R3HDM2: variants seen among roughly 807,000 people sequenced by gnomAD.
The protein encoded by R3HDM2 is R3H domain containing 2, also known as R3H domain-containing protein 2.
In R3HDM2, 38 loss-of-function variants were observed where a neutral mutation model predicts 124.5. The observed-to-expected ratio is 0.31, with a 90% confidence interval of 0.24 to 0.40. R3HDM2 has a LOEUF of 0.40. Ranked by LOEUF, R3HDM2 falls within the 10% of genes least tolerant of loss-of-function variation. R3HDM2 has a pLI of 1.00. For missense variants in R3HDM2, 869 were observed against 1,236.9 expected (o/e 0.70, Z 4.46); for synonymous variants, 391 against 448.0 (o/e 0.87, Z 1.61).
intron 2 of R3HDM2, among the ~76,000 whole-genome samples, chr12:57,384,390 C>A (rs2065383158): frequency 6.6e-6 from 1 of 151,524 alleles, no homozygotes; most frequent in African/African-American, 2.4e-5. Flanking sequence ...GGGAAACAAG[C>A]CTATGTTCCT....
chr12:57,398,000 A>G (rs574086), intron 1 of R3HDM2, among the ~76,000 whole-genome samples: 147,969 of 152,046 alleles, frequency 0.97, 72,134 homozygotes, highest in Middle Eastern at 1. Context: ...TGGCCAACAC[A>G]GTGAAACCCC....
chr12:57,385,305 C>T (rs571584218), intron 2 of R3HDM2, among the ~76,000 whole-genome samples: 148 of 148,356 alleles, frequency 1.0e-3, no homozygotes, highest in Non-Finnish European at 1.6e-3. Context: ...TGCAATGGCG[C>T]AATCTGGCTC....
chr12:57,306,988 C>T (rs2052754508), intron 3 of R3HDM2, among the ~76,000 whole-genome samples: 1 of 152,102 alleles, frequency 6.6e-6, no homozygotes, highest in Non-Finnish European at 1.5e-5. Context: ...GCGCTCCAGC[C>T]TGGGTGACAG....
chr12:57,338,573 G>A (rs1156958274), intron 2 of R3HDM2, among the ~76,000 whole-genome samples: 3 of 152,084 alleles, frequency 2.0e-5, no homozygotes, highest in Non-Finnish European at 4.4e-5. Context: ...TGCATTTTTG[G>A]TAGAGACGAG....
At chr12:57,425,033 G>A (rs536096740) in intron 1 of R3HDM2, among the ~76,000 whole-genome samples, 2 of 152,194 alleles carry the variant, frequency 1.3e-5, no homozygotes, top group Non-Finnish European at 2.9e-5. Context: ...AGCACTTCAG[G>A]AGGCTGAGGT....
Position 57,256,461 on chromosome 12 carries a change from T to C in R3HDM2, c.2500A>G (p.Ile834Val), listed in dbSNP as rs747745988. 2 of 1,599,556 alleles carry C rather than the reference T, an allele frequency of 1.3e-6. No individual in the cohort carries two copies. Among genetic ancestry groups the C allele is most frequent in the Admixed American group, 1.7e-5 (1 of 58,116 alleles). Residue 834 changes from isoleucine (I) to valine (V), a missense_variant, in exon 22 of 24, where the codon ATC (isoleucine) becomes GTC (valine). Physicochemically the swap from Ile to Val is conservative, Grantham distance 29. Coordinates refer to ENST00000402412, the MANE Select transcript of R3HDM2 (RefSeq NM_001394031.1). ...TGGCCATGGAGCAAGGGAGGGCAGA[T>C]GGACAGATTGTACTGTAATGGCTGG... is the stretch of plus-strand genomic sequence containing the variant. ...LGQPLQYNLS[I>V]CPPLLHGQST...
At chr12:57,405,034 TTC>T (rs1209350692) in intron 1 of R3HDM2, among the ~76,000 whole-genome samples, 3 of 152,036 alleles carry the variant, frequency 2.0e-5, no homozygotes, top group South Asian at 4.1e-4. Context: ...TTTCCTTTCT[TTC>T]TCTTTTTTCA....
At chr12:57,330,782 T>C (rs2058070347) in intron 2 of R3HDM2, among the ~76,000 whole-genome samples, 2 of 133,396 alleles carry the variant, frequency 1.5e-5, no homozygotes, top group South Asian at 4.9e-4. Flanking sequence ...CACTGCAAGC[T>C]CCGCCTCCCG....
intron 7 of R3HDM2, chr12:57,297,813 G>T: frequency 2.4e-6 from 1 of 419,272 alleles, no homozygotes; most frequent in South Asian, 3.3e-5. Context: ...CTCCCAATGT[G>T]TGCTTTTTAA....
At chr12:57,264,723 C>T (rs1004117467) in intron 19 of R3HDM2, among the ~76,000 whole-genome samples, 1 of 151,440 alleles carries the variant, frequency 6.6e-6, no homozygotes, top group African/African-American at 2.4e-5. Flanking sequence ...GCCTCAAACA[C>T]CTGGGCTCAA....
chr12:57,324,494 A>G (rs527320427), intron 2 of R3HDM2, among the ~76,000 whole-genome samples: 2 of 152,302 alleles, frequency 1.3e-5, no homozygotes, highest in African/African-American at 4.8e-5. Context: ...ACAATCTTTC[A>G]AAATCTAACA....
At chr12:57,368,378 C>T (rs1594034619) in intron 2 of R3HDM2, among the ~76,000 whole-genome samples, 1 of 152,138 alleles carries the variant, frequency 6.6e-6, no homozygotes, top group Non-Finnish European at 1.5e-5. Context: ...AGAGGTCTGG[C>T]ATTTGCCCTT....
intron 1 of R3HDM2, among the ~76,000 whole-genome samples, chr12:57,397,108 A>T (rs2067623399): frequency 6.6e-6 from 1 of 152,148 alleles, no homozygotes; most frequent in Non-Finnish European, 1.5e-5. Flanking sequence ...AAAAAAAAAA[A>T]ATTGTCTAGA....
intron 2 of R3HDM2, among the ~76,000 whole-genome samples, chr12:57,316,073 C>T (rs769023662): frequency 2.6e-5 from 4 of 152,130 alleles, no homozygotes; most frequent in Non-Finnish European, 5.9e-5. Flanking sequence ...CTCCAGCCTG[C>T]GCAACAGAGT....
chr12:57,399,131 C>T (rs1470979464), intron 1 of R3HDM2, among the ~76,000 whole-genome samples: 2 of 152,120 alleles, frequency 1.3e-5, no homozygotes, highest in African/African-American at 2.4e-5. Flanking sequence ...AGGCCAGGCA[C>T]GGTGGCTCAC....
intron 1 of R3HDM2, among the ~76,000 whole-genome samples, chr12:57,407,773 T>C (rs1442190408): frequency 1.3e-5 from 2 of 152,162 alleles, no homozygotes; most frequent in Admixed American, 6.5e-5. Flanking sequence ...TTTTTTGTTT[T>C]CTTTTGTAGA....
In R3HDM2 at chr12:57,258,093, C is replaced by T. The variant is rs540735521; in HGVS notation, c.2346G>A (p.Gln782=). The T allele has an allele frequency of 1.3e-6, 2 of 1,592,586 alleles. No homozygotes were observed. The highest frequency in any genetic ancestry group is 2.7e-5 in the African/African-American group (2 of 74,926). The change falls in exon 21 of 24, where the codon CAG becomes CAA. Residue 782 remains glutamine (Q), a synonymous_variant. Coordinates refer to ENST00000402412, the MANE Select transcript of R3HDM2 (RefSeq NM_001394031.1). Reference sequence around the variant, plus strand: ...TGGTGACAGGAGAGGGTGCTGGAGACTGGGTAGGAGATGTGACAGGGCTGC... The same window carrying T: ...TGGTGACAGGAGAGGGTGCTGGAGATTGGGTAGGAGATGTGACAGGGCTGC... The part of the protein sequence containing the change: ...MSSSPVTSPT[Q]SPAPSPVTSL...
At chr12:57,370,754 G>GGGA (rs1292888552) in intron 2 of R3HDM2, among the ~76,000 whole-genome samples, 3 of 152,134 alleles carry the variant, frequency 2.0e-5, no homozygotes, top group Non-Finnish European at 2.9e-5. Flanking sequence ...TAACTAAGAA[G>GGGA]GGAGAAAAAG....
intron 14 of R3HDM2, among the ~76,000 whole-genome samples, chr12:57,277,786 C>A (rs2045200028): frequency 6.6e-6 from 1 of 152,164 alleles, no homozygotes; most frequent in Non-Finnish European, 1.5e-5. Flanking sequence ...TTAGAGTAAG[C>A]ACAGTGGTGT....
Sources: gnomAD v4.1 joint callset for allele counts (sites outside exome capture counted in the v4.1 genomes callset) on GRCh38, gnomAD v4.1.1 for gene constraint, MANE v1.5 for transcripts, NCBI Gene and HGNC (gene_info 2026-07-23, HGNC 2026-07-21) for gene names.